The following AOAH variants were observed in gnomAD, a reference collection of about 807,000 sequenced individuals.
The protein encoded by AOAH is acyloxyacyl hydrolase (neutrophil).
AOAH carries 64 observed loss-of-function variants against 92.2 expected under a neutral mutation model. The ratio of observed to expected loss-of-function variants is 0.69; its 90% CI spans 0.57 to 0.86. The LOEUF is 0.86. Among genes scored for constraint, AOAH ranks in the 40% least tolerant of loss-of-function variants. AOAH has a pLI of 0.00. For missense variants in AOAH, 656 were observed against 694.6 expected, an observed-to-expected ratio of 0.94 and a Z score of 0.62; for synonymous variants, 263 against 254.5, an observed-to-expected ratio of 1.03 and a Z score of -0.32.
intron 1 of AOAH, among the ~76,000 whole-genome samples, chr7:36,718,388 A>G (rs2117026492): frequency 6.6e-6 from 1 of 152,352 alleles, no homozygotes; most frequent in African/African-American, 2.4e-5. Context: ...CTTGGAAAAT[A>G]GTTTGGCAGT....
intron 15 of AOAH, among the ~76,000 whole-genome samples, chr7:36,545,755 G>C (rs569184122): frequency 6.6e-6 from 1 of 152,324 alleles, no homozygotes; most frequent in East Asian, 1.9e-4. Flanking sequence ...GCTAGTGCTA[G>C]ATGCTTGTAT....
At chr7:36,644,664 T>C (rs1026472741) in intron 4 of AOAH, among the ~76,000 whole-genome samples, 5 of 152,184 alleles carry the variant, frequency 3.3e-5, no homozygotes, top group East Asian at 1.9e-4. Context: ...AGAATTGAAT[T>C]CTGGTACACT....
intron 12 of AOAH, among the ~76,000 whole-genome samples, chr7:36,582,523 T>G (rs535593956): frequency 1.3e-5 from 2 of 152,314 alleles, no homozygotes; most frequent in Non-Finnish European, 2.9e-5. Context: ...CTGTTACTCT[T>G]CCCAACATTG....
At chr7:36,638,072 G>A (rs1793646606) in intron 4 of AOAH, among the ~76,000 whole-genome samples, 162 bp from the exon 5 acceptor site, 1 of 152,162 alleles carries the variant, frequency 6.6e-6, no homozygotes, top group Non-Finnish European at 1.5e-5. Context: ...CACATTAATA[G>A]CTCTTTTTAT....
chr7:36,690,288 A>C, intron 1 of AOAH: 1 of 393,936 alleles, frequency 2.5e-6, no homozygotes, highest in South Asian at 1.9e-5. Flanking sequence ...GTGAAGAGTT[A>C]TGATGATCAA....
rs1562859147 is a variant in AOAH at position 36,522,127 on chromosome 7, A to G, written c.1523-12T>C. The G allele has an allele frequency of 6.2e-7, 1 of 1,613,754 alleles. No homozygotes were observed. The highest frequency in any genetic ancestry group is 1.1e-5 in the South Asian group (1 of 91,064). On this transcript the variant is annotated splice_polypyrimidine_tract_variant and intron_variant, in intron 19 of 20. Coordinates refer to ENST00000617537, the MANE Select transcript of AOAH (RefSeq NM_001637.4). ...CCACTCCTGTATGACTGCAGGGCAC[A>G]TAACGAGAGGGTTACAGACACACTT...
At chr7:36,669,062 G>A (rs3857746) in intron 3 of AOAH, among the ~76,000 whole-genome samples, 88,915 of 152,020 alleles carry the variant, frequency 0.58, 26,263 homozygotes, top group South Asian at 0.65. Context: ...GATGACCATC[G>A]TTATCATCAT....
chr7:36,606,843 T>C (rs1791042652), intron 11 of AOAH, among the ~76,000 whole-genome samples: 1 of 152,212 alleles, frequency 6.6e-6, no homozygotes, highest in Admixed American at 6.5e-5. Context: ...TTGAGGTCTT[T>C]CTTGTGGCGT....
intron 13 of AOAH, among the ~76,000 whole-genome samples, chr7:36,553,404 G>T (rs1033161836): frequency 6.6e-6 from 1 of 151,230 alleles, no homozygotes; most frequent in Non-Finnish European, 1.5e-5. Flanking sequence ...CATTTGGGTT[G>T]GTTCCAAGTC....
intron 3 of AOAH, among the ~76,000 whole-genome samples, chr7:36,666,460 G>T (rs1161003749): frequency 1.3e-5 from 2 of 151,836 alleles, no homozygotes; most frequent in East Asian, 3.9e-4. Flanking sequence ...CTGGCTAGAG[G>T]CTTATCAATT....
chr7:36,606,108 T>A (rs544720854), intron 11 of AOAH, among the ~76,000 whole-genome samples: 2 of 152,334 alleles, frequency 1.3e-5, no homozygotes, highest in African/African-American at 4.8e-5. Context: ...GGAGTCGACA[T>A]GAAGGTAACT....
chr7:36,708,163 T>G (rs767360226), intron 1 of AOAH, among the ~76,000 whole-genome samples: 60 of 87,830 alleles, frequency 6.8e-4, no homozygotes, highest in Non-Finnish European at 1.1e-3. Flanking sequence ...CTCCCGGAAC[T>G]CCCGTTTTAT....
At chr7:36,710,746 G>A (rs1349232753) in intron 1 of AOAH, among the ~76,000 whole-genome samples, 1 of 152,130 alleles carries the variant, frequency 6.6e-6, no homozygotes, top group Non-Finnish European at 1.5e-5. Context: ...TAAGATACAG[G>A]TTGCCATGAA....
At chr7:36,535,839 T>A (rs575284207) in intron 16 of AOAH, among the ~76,000 whole-genome samples, 57 of 152,202 alleles carry the variant, frequency 3.7e-4, no homozygotes, top group Non-Finnish European at 6.9e-4. Flanking sequence ...TCCTCACAGA[T>A]CATGGCTGAG....
At chr7:36,612,182 A>AAGTT (rs1445392343) in intron 11 of AOAH, among the ~76,000 whole-genome samples, 2 of 152,098 alleles carry the variant, frequency 1.3e-5, no homozygotes, top group East Asian at 3.9e-4. Flanking sequence ...GAGAAAAAAA[A>AAGTT]AGTTACCTAT....
At chr7:36,682,273 A>T (rs923204436) in intron 2 of AOAH, among the ~76,000 whole-genome samples, 10 of 152,226 alleles carry the variant, frequency 6.6e-5, no homozygotes, top group African/African-American at 2.4e-4. Flanking sequence ...AAACAGTCAG[A>T]AAAATCTCAG....
chr7:36,635,258 G>A (rs1207412042), intron 5 of AOAH, among the ~76,000 whole-genome samples: 2 of 152,154 alleles, frequency 1.3e-5, no homozygotes, highest in African/African-American at 4.8e-5. Flanking sequence ...GCTGTCCCTG[G>A]GGACAGGAGT....
In AOAH at chr7:36,637,783, G is replaced by C. The variant is rs954510966; in HGVS notation, c.450+68C>G. 2.9e-5 allele frequency: 43 copies of C among 1,464,300 alleles called. No homozygotes were observed. In the Admixed American group the frequency reaches 5.8e-4, roughly 20 times the overall value. 90.7% of individuals were successfully genotyped at this position (1,464,300 alleles called of 1,614,324 possible). On this transcript the variant is annotated intron_variant, in intron 5 of 20. Coordinates refer to ENST00000617537, the MANE Select transcript of AOAH (RefSeq NM_001637.4). ...GGAGTAGTCCTTGCCTTTGGGATGTGAAAGCCGGGGCCAGTGAGAGAGGAC... is the reference window on the plus strand; with the variant it reads ...GGAGTAGTCCTTGCCTTTGGGATGTCAAAGCCGGGGCCAGTGAGAGAGGAC...
intron 11 of AOAH, among the ~76,000 whole-genome samples, chr7:36,607,207 G>A (rs1435870752): frequency 6.6e-6 from 1 of 152,152 alleles, no homozygotes; most frequent in Non-Finnish European, 1.5e-5. Context: ...TGTGTTTTCT[G>A]CCTTATAGGG....
Sources: allele counts gnomAD v4.1 joint callset (sites outside exome capture counted in the v4.1 genomes callset), GRCh38; gene constraint gnomAD v4.1.1; transcripts MANE v1.5; gene names NCBI Gene and HGNC (gene_info 2026-07-23, HGNC 2026-07-21).